The following RGS6 variants were observed in gnomAD, a reference collection of about 807,000 sequenced individuals.
The protein encoded by RGS6 is regulator of G protein signaling 6, also known as regulator of G-protein signaling 6.
Under a neutral mutation model 78.5 loss-of-function variants are expected in RGS6, and 30 were observed. The ratio of observed to expected loss-of-function variants is 0.38; its 90% CI spans 0.29 to 0.52. The LOEUF (loss-of-function observed/expected upper bound fraction) is 0.52, where lower values mean the gene tolerates loss of function less well. RGS6 is among the 20% of genes least tolerant of loss of function. The pLI is 0.85. For missense variants in RGS6, 495 were observed against 609.7 expected, an observed-to-expected ratio of 0.81 and a Z score of 1.98; for synonymous variants, 206 against 206.0, an observed-to-expected ratio of 1.00 and a Z score of 0.00.
chr14:72,619,471 C>T, the RGS6 span: 1 of 1,323,564 alleles, frequency 7.6e-7, no homozygotes, highest in Non-Finnish European at 1.0e-6. Context: ...TGAACTTTGG[C>T]AATGCAGAAA....
chr14:72,385,213 T>G (rs374260385), intron 3 of RGS6, among the ~76,000 whole-genome samples: 44 of 152,356 alleles, frequency 2.9e-4, no homozygotes, highest in African/African-American at 1.0e-3. Flanking sequence ...ATTCAAAGCT[T>G]GGGTGTAATA....
intron 1 of RGS6, among the ~76,000 whole-genome samples, chr14:71,949,172 G>A (rs756598660): frequency 7.2e-5 from 11 of 152,132 alleles, no homozygotes; most frequent in South Asian, 2.1e-4. Context: ...GTTTCTGTTT[G>A]ATATACACAC....
At chr14:72,544,424 T>G (rs1188649136) in intron 17 of RGS6, among the ~76,000 whole-genome samples, 4 of 152,124 alleles carry the variant, frequency 2.6e-5, no homozygotes, top group Non-Finnish European at 5.9e-5. Context: ...GAGAGCTTCA[T>G]CAGCTCCAGC....
intron 2 of RGS6, among the ~76,000 whole-genome samples, chr14:72,172,513 G>A (rs1027541483): frequency 1.9e-4 from 29 of 151,910 alleles, no homozygotes; most frequent in African/African-American, 6.3e-4. Context: ...TTATATACAC[G>A]TATGCATCCT....
the RGS6 span, among the ~76,000 whole-genome samples, chr14:72,607,333 G>A: frequency 3.3e-5 from 5 of 152,160 alleles, no homozygotes; most frequent in Non-Finnish European, 5.9e-5. Context: ...CAGCAGATTC[G>A]GTGTCCAGCA....
intron 2 of RGS6, among the ~76,000 whole-genome samples, chr14:72,115,612 G>A (rs1253252885): frequency 6.6e-6 from 1 of 152,120 alleles, no homozygotes; most frequent in African/African-American, 2.4e-5. Flanking sequence ...CAGCCTGCTG[G>A]TGAGCCAGCA....
At chr14:72,094,963 T>A (rs2095367792) in intron 2 of RGS6, among the ~76,000 whole-genome samples, 1 of 152,170 alleles carries the variant, frequency 6.6e-6, no homozygotes, top group Admixed American at 6.5e-5. Context: ...ACCACTGTGC[T>A]TTTGAAAGCC....
chr14:72,040,181 A>G (rs551370329), intron 2 of RGS6, among the ~76,000 whole-genome samples: 114 of 152,110 alleles, frequency 7.5e-4, no homozygotes, highest in Non-Finnish European at 1.4e-3. Context: ...CTACCAGTAC[A>G]GTATTACAGA....
intron 16 of RGS6, among the ~76,000 whole-genome samples, chr14:72,537,322 C>A (rs1427347031): frequency 6.6e-6 from 1 of 152,222 alleles, no homozygotes; most frequent in Non-Finnish European, 1.5e-5. Context: ...TGTGCTGTCA[C>A]CCTCATGTGC....
At chr14:72,191,649 C>T (rs920909917) in intron 2 of RGS6, among the ~76,000 whole-genome samples, 4 of 152,184 alleles carry the variant, frequency 2.6e-5, no homozygotes, top group African/African-American at 9.7e-5. Flanking sequence ...ATGGGCAAGA[C>T]CCGCCTCCAT....
the RGS6 span, among the ~76,000 whole-genome samples, chr14:71,898,170 A>T: frequency 1.3e-5 from 2 of 152,194 alleles, no homozygotes. Flanking sequence ...TTTCAAGCAT[A>T]CAATATATTG....
intron 3 of RGS6, among the ~76,000 whole-genome samples, chr14:72,408,129 G>T (rs757965864): frequency 6.6e-6 from 1 of 152,174 alleles, no homozygotes; most frequent in Non-Finnish European, 1.5e-5. Context: ...ACTATTTAAA[G>T]GAAATGATAA....
chr14:71,990,927 G>T, intron 2 of RGS6: 2 of 444,180 alleles, frequency 4.5e-6, no homozygotes, highest in South Asian at 3.2e-5. Flanking sequence ...AGTTGGCATC[G>T]GAGGCAGAAC....
chr14:72,600,950 G>A, the RGS6 span, among the ~76,000 whole-genome samples: 1 of 152,074 alleles, frequency 6.6e-6, no homozygotes, highest in African/African-American at 2.4e-5. Context: ...AAGATGAAGT[G>A]GGGGAAGGAA....
intron 2 of RGS6, among the ~76,000 whole-genome samples, chr14:72,181,708 G>T (rs1318379400): frequency 3.3e-5 from 5 of 152,132 alleles, no homozygotes; most frequent in Non-Finnish European, 4.4e-5. Flanking sequence ...AAAATAATCA[G>T]GTTCTCTATA....
At chr14:72,121,128 G>A (rs2096040350) in intron 2 of RGS6, among the ~76,000 whole-genome samples, 1 of 152,072 alleles carries the variant, frequency 6.6e-6, no homozygotes. Context: ...ACAGCATCAA[G>A]GCTGGCTTCT....
intron 16 of RGS6, 48 bp downstream of exon 16, chr14:72,536,323 C>A: frequency 7.8e-7 from 1 of 1,276,322 alleles, no homozygotes. Flanking sequence ...TGACTCTTGC[C>A]TGCTGCTTGC....
At position 72,004,660 on chromosome 14, in the gene RGS6, C is replaced by A. The variant is rs1595945633; in HGVS notation, c.84+39785C>A. 3.3e-5 allele frequency among the ~76,000 whole-genome samples: 5 copies of A among 151,966 alleles called. No homozygotes were observed. In the South Asian group the frequency reaches 1.0e-3, roughly 32 times the overall value. ...ACCAGCCTGGGCAACATGGTAAAAC[C>A]CTGTCTCTACAAAAATTAGCCAGGC... On this transcript the variant is annotated intron_variant, in intron 2 of 17. Transcript: ENST00000553525.
At chr14:72,447,373 G>A (rs1209989525) in intron 3 of RGS6, among the ~76,000 whole-genome samples, 1 of 152,160 alleles carries the variant, frequency 6.6e-6, no homozygotes, top group South Asian at 2.1e-4. Context: ...GACTAGTAGA[G>A]TTGTCCAGCC....
Sources: allele counts gnomAD v4.1 joint callset (sites outside exome capture counted in the v4.1 genomes callset), GRCh38; gene constraint gnomAD v4.1.1; transcripts MANE v1.5; gene names NCBI Gene and HGNC (gene_info 2026-07-23, HGNC 2026-07-21).